Variants in EPB41L4A observed in about 807,000 individuals in gnomAD.
The protein encoded by EPB41L4A is band 4.1-like protein 4A.
EPB41L4A carries 100 observed loss-of-function variants against 108.6 expected under a neutral mutation model. That is an observed-to-expected ratio of 0.92 (90% confidence interval 0.78 to 1.09). The LOEUF (loss-of-function observed/expected upper bound fraction) is 1.09, where lower values mean the gene tolerates loss of function less well. Among genes scored for constraint, EPB41L4A ranks in the 50% least tolerant of loss-of-function variants. EPB41L4A has a pLI of 0.00. For synonymous variants in EPB41L4A, 319 were observed against 289.0 expected, an observed-to-expected ratio of 1.10 and a Z score of -1.05; for missense variants, 1,030 against 842.7, an observed-to-expected ratio of 1.22 and a Z score of -2.75.
At chr5:112,154,198 C>A (rs916622720) in intron 12 of EPB41L4A, among the ~76,000 whole-genome samples, 26 of 152,164 alleles carry the variant, frequency 1.7e-4, no homozygotes, top group Non-Finnish European at 3.2e-4. Context: ...TCCACTACTG[C>A]GGCATTAGAG....
rs1161036876 is a variant in EPB41L4A at position 112,419,255 on chromosome 5, G to A, written c.-216C>T. On this transcript the variant is annotated 5_prime_UTR_variant, in exon 1 of 23. Coordinates refer to ENST00000261486, the MANE Select transcript of EPB41L4A (RefSeq NM_022140.5). ...CCGGGAGAGTCAGCGCCCGGGAGCCGCCGGGGAAGCGCCGGCGGAACTGGG... is the reference window on the plus strand; with the variant it reads ...CCGGGAGAGTCAGCGCCCGGGAGCCACCGGGGAAGCGCCGGCGGAACTGGG... 3.0e-5 allele frequency: 12 copies of A among 401,652 alleles called. No individual in the cohort carries two copies. Among genetic ancestry groups the A allele is most frequent in the East Asian group, 4.9e-5 (1 of 20,606 alleles). 24.9% of individuals were successfully genotyped at this position (401,652 alleles called of 1,614,324 possible).
At chr5:112,186,031 T>G (rs1422281057) in intron 17 of EPB41L4A, among the ~76,000 whole-genome samples, 1 of 152,076 alleles carries the variant, frequency 6.6e-6, no homozygotes, top group Non-Finnish European at 1.5e-5. Flanking sequence ...AGGTGGCATC[T>G]CCCTTCCTAC....
In EPB41L4A at chr5:112,369,151, T is replaced by C. The variant is rs546479771; in HGVS notation, c.99+49790A>G. On this transcript the variant is annotated intron_variant, in intron 1 of 22. Transcript: ENST00000261486. ...CTCTTGAGCCAGCAACCTGAAGTCA[T>C]CCTTAACTCATCCCCCTTTCTCATT... Among the ~76,000 whole-genome samples the C allele has an allele frequency of 2.7e-4, 41 of 152,336 alleles. No individual in the cohort carries two copies. The South Asian group carries it at 7.7e-3, about 28-fold the overall frequency.
intron 13 of EPB41L4A, among the ~76,000 whole-genome samples, chr5:112,144,655 G>C (rs1396609230): frequency 6.6e-6 from 1 of 152,172 alleles, no homozygotes; most frequent in Non-Finnish European, 1.5e-5. Flanking sequence ...GATATCTTTT[G>C]TGAGCTGGAT....
intron 1 of EPB41L4A, among the ~76,000 whole-genome samples, chr5:112,397,883 C>T (rs1455977660): frequency 6.6e-6 from 1 of 152,198 alleles, no homozygotes; most frequent in Non-Finnish European, 1.5e-5. Context: ...GTTTTCCTAG[C>T]TCAAAAAGCT....
intron 1 of EPB41L4A, among the ~76,000 whole-genome samples, chr5:112,400,591 T>G (rs1330777661): frequency 6.6e-6 from 1 of 152,048 alleles, no homozygotes; most frequent in Non-Finnish European, 1.5e-5. Flanking sequence ...TGACCAGGTC[T>G]TGCAAGAACT....
chr5:112,330,484 G>C (rs913437983), intron 1 of EPB41L4A, among the ~76,000 whole-genome samples: 1 of 152,108 alleles, frequency 6.6e-6, no homozygotes, highest in Non-Finnish European at 1.5e-5. Context: ...TAAAAAAGCA[G>C]GATGCAGGGT....
At chr5:112,329,354 T>C (rs1174738233) in intron 1 of EPB41L4A, among the ~76,000 whole-genome samples, 3 of 152,212 alleles carry the variant, frequency 2.0e-5, no homozygotes, top group Non-Finnish European at 4.4e-5. Context: ...AAGTTTTTCT[T>C]ACCAAAGGAA....
intron 1 of EPB41L4A, among the ~76,000 whole-genome samples, chr5:112,376,196 T>C (rs1454325103): frequency 6.6e-6 from 1 of 152,116 alleles, no homozygotes; most frequent in Non-Finnish European, 1.5e-5. Flanking sequence ...ATAATACATT[T>C]AGAACATCAG....
chr5:112,311,842 A>T (rs1034753759), intron 1 of EPB41L4A, among the ~76,000 whole-genome samples: 7 of 152,182 alleles, frequency 4.6e-5, no homozygotes, highest in Non-Finnish European at 1.0e-4. Context: ...ATTTTGATCT[A>T]ATCTCACTTA....
In EPB41L4A at chr5:112,282,761, AAGG is replaced by A. The variant is rs545675210; in HGVS notation, c.205-2441_205-2439del. Among the ~76,000 whole-genome samples the A allele has an allele frequency of 1.1e-3, 165 of 152,338 alleles. 2 individuals are homozygous for A. The highest frequency in any genetic ancestry group is 5.6e-3 in the East Asian group (29 of 5,184). ...ATGTGCTTGTGGCAAGAAGGGAAAA[AAGG>A]AGGCTTTGGTCTTATTACTGTCTGT... On this transcript the variant is annotated intron_variant, in intron 2 of 22. Coordinates refer to ENST00000261486, the MANE Select transcript of EPB41L4A (RefSeq NM_022140.5).
chr5:112,336,375 C>T (rs1010726920), intron 1 of EPB41L4A, among the ~76,000 whole-genome samples: 1 of 152,004 alleles, frequency 6.6e-6, no homozygotes, highest in Admixed American at 6.6e-5. Context: ...TGGTTGGGGG[C>T]GGGAGTTCAA....
At chr5:112,175,654 A>G (rs1760822926) in intron 18 of EPB41L4A, 1 of 151,838 alleles carries the variant, frequency 6.6e-6, no homozygotes, top group African/African-American at 2.4e-5. Flanking sequence ...AAATATACAT[A>G]AATATTTTTA....
In EPB41L4A at chr5:112,224,639, TCA is replaced by T. The variant is rs1748327510; in HGVS notation, c.1087+9993_1087+9994del. On this transcript the variant is annotated intron_variant, in intron 12 of 22. Transcript: ENST00000261486. ...GGGCTACTCAAATCAGGTACAACTT[TCA>T]CACTCTTTTTTTTAAGCTCCCCTAC... is the stretch of plus-strand genomic sequence containing the variant. Among the ~76,000 whole-genome samples the T allele has an allele frequency of 2.0e-5, 3 of 152,276 alleles. No homozygotes were observed. In the East Asian group the frequency reaches 5.8e-4, roughly 29 times the overall value.
rs1761309511 is a variant in EPB41L4A at position 112,395,990 on chromosome 5, G to A, written c.99+22951C>T. Among the ~76,000 whole-genome samples the A allele has an allele frequency of 3.3e-5, 5 of 152,118 alleles. No homozygotes were observed. In the South Asian group the frequency reaches 1.0e-3, roughly 32 times the overall value. Reference sequence around the variant, plus strand: ...TGGAAACCATCATTCTGAGCAAAATGTCACAAGGACAGAAAACCAAACACC... The same window carrying A: ...TGGAAACCATCATTCTGAGCAAAATATCACAAGGACAGAAAACCAAACACC... On this transcript the variant is annotated intron_variant, in intron 1 of 22. Transcript: ENST00000261486.
chr5:112,356,520 G>A (rs1580748122), intron 1 of EPB41L4A, among the ~76,000 whole-genome samples: 1 of 152,306 alleles, frequency 6.6e-6, no homozygotes, highest in East Asian at 1.9e-4. Context: ...AAGATACTAT[G>A]CTAGAAAGTG....
At chr5:112,247,165 C>T (rs1341371244) in intron 9 of EPB41L4A, among the ~76,000 whole-genome samples, 1 of 151,908 alleles carries the variant, frequency 6.6e-6, no homozygotes, top group African/African-American at 2.4e-5. Flanking sequence ...GTATAAATGC[C>T]CAAGTTTTCA....
rs1202324176 is a variant in EPB41L4A at position 112,295,173 on chromosome 5, G to C, written c.204+12213C>G. 2.0e-5 allele frequency among the ~76,000 whole-genome samples: 3 copies of C among 152,302 alleles called. No individual in the cohort carries two copies. The East Asian group carries it at 5.8e-4, about 29-fold the overall frequency. On this transcript the variant is annotated intron_variant, in intron 2 of 22. Coordinates refer to ENST00000261486, the MANE Select transcript of EPB41L4A (RefSeq NM_022140.5). ...TCAAAAGTATCCTGGATTAGTGAGT[G>C]AACTGTATGGTCAATCTAGGAATTA...
intron 18 of EPB41L4A, 130 bp from the exon 19 acceptor site, chr5:112,171,122 C>G: frequency 1.3e-6 from 1 of 748,658 alleles, no homozygotes; most frequent in Non-Finnish European, 2.2e-6. Context: ...AAAGACTGGA[C>G]AGGGAGAGCC....
Sources: allele counts gnomAD v4.1 joint callset (sites outside exome capture counted in the v4.1 genomes callset), GRCh38; gene constraint gnomAD v4.1.1; transcripts MANE v1.5; gene names NCBI Gene and HGNC (gene_info 2026-07-23, HGNC 2026-07-21).